Variants in KCMF1 observed in about 807,000 individuals in gnomAD.
KCMF1 encodes the protein potassium channel modulatory factor 1.
In KCMF1, 3 loss-of-function variants were observed where a neutral mutation model predicts 41.1. The ratio of observed to expected loss-of-function variants is 0.07; its 90% CI spans 0.03 to 0.19. KCMF1 has a LOEUF of 0.19. Among genes scored for constraint, KCMF1 ranks in the 10% least tolerant of loss-of-function variants. KCMF1 has a pLI of 1.00. For synonymous variants in KCMF1, 142 were observed against 164.5 expected, an observed-to-expected ratio of 0.86 and a Z score of 1.04; for missense variants, 286 against 488.9, an observed-to-expected ratio of 0.58 and a Z score of 3.91.
Position 85,043,459 on chromosome 2 carries a change from G to T in KCMF1, c.325-105G>T. Reference sequence around the variant, plus strand: ...TGATTTAGGATCTGCTGTGTTTTCTGTTGGTTAAAACTTGATAATAGTAAA... The same window carrying T: ...TGATTTAGGATCTGCTGTGTTTTCTTTTGGTTAAAACTTGATAATAGTAAA... On this transcript the variant is annotated intron_variant, in intron 3 of 6. Coordinates refer to ENST00000409785, the MANE Select transcript of KCMF1 (RefSeq NM_020122.5). 3 of 722,210 alleles carry T rather than the reference G, an allele frequency of 4.2e-6. 1 individual carries two copies. In the South Asian group the frequency reaches 4.5e-5, roughly 11 times the overall value. The allele number at this position is 722,210 out of a possible 1,614,324, so 44.7% of individuals were successfully genotyped here.
chr2:85,034,034 ATTT>A (rs1553382233), intron 2 of KCMF1, among the ~76,000 whole-genome samples: 1 of 149,394 alleles, frequency 6.7e-6, no homozygotes, highest in Admixed American at 6.7e-5. Flanking sequence ...AAAAAAAAAA[ATTT>A]TTTTTTTAAT....
At chr2:85,044,680 C>A (rs914098155) in intron 4 of KCMF1, among the ~76,000 whole-genome samples, 1 of 152,028 alleles carries the variant, frequency 6.6e-6, no homozygotes, top group Non-Finnish European at 1.5e-5. Context: ...CTGCGCCTGG[C>A]CAATTTTTGT....
In KCMF1 at chr2:84,980,641, C is replaced by CT. The variant is rs367965209; in HGVS notation, c.16+9187dup. Among the ~76,000 whole-genome samples the CT allele has an allele frequency of 4.0e-3, 570 of 143,844 alleles. 2 individuals are homozygous for CT. The highest frequency in any genetic ancestry group is 9.8e-3 in the African/African-American group (388 of 39,448). The allele number at this position is 143,844 out of a possible 152,430, so 94.4% of individuals were successfully genotyped here. On this transcript the variant is annotated intron_variant, in intron 1 of 6. Coordinates refer to ENST00000409785, the MANE Select transcript of KCMF1 (RefSeq NM_020122.5). ...TATACACAGTCAATTAGCCTCATAT[C>CT]TTTTTTTTTTTTTGTCTTGAGGCCG...
At chr2:85,012,045 C>G (rs936179126) in intron 1 of KCMF1, among the ~76,000 whole-genome samples, 1 of 152,178 alleles carries the variant, frequency 6.6e-6, no homozygotes, top group East Asian at 1.9e-4. Flanking sequence ...AACTAACCAT[C>G]GACCAACTTT....
chr2:85,055,645 T>C lies in KCMF1; in HGVS notation c.*2236T>C, dbSNP rs1174026925. On this transcript the variant is annotated 3_prime_UTR_variant, in exon 7 of 7. Transcript: ENST00000409785. ...CATCCTGTATGTAATCAATAATGTATTATTTTAGGGTAGAACGACACAGAA... is the reference window on the plus strand; with the variant it reads ...CATCCTGTATGTAATCAATAATGTACTATTTTAGGGTAGAACGACACAGAA... The C allele has an allele frequency of 6.6e-6, 1 of 152,158 alleles. No individual in the cohort carries two copies. The highest frequency in any genetic ancestry group is 6.6e-5 in the Admixed American group (1 of 15,260). 9.4% of individuals were successfully genotyped at this position (152,158 alleles called of 1,614,324 possible).
At chr2:85,010,405 G>C (rs974206080) in intron 1 of KCMF1, among the ~76,000 whole-genome samples, 3 of 152,196 alleles carry the variant, frequency 2.0e-5, no homozygotes, top group African/African-American at 7.2e-5. Context: ...GGCATCAGAG[G>C]CTGCAGTTAG....
At chr2:85,002,492 C>A in intron 1 of KCMF1, among the ~76,000 whole-genome samples, 1 of 152,098 alleles carries the variant, frequency 6.6e-6, no homozygotes, top group South Asian at 2.1e-4. Flanking sequence ...CCATATATTC[C>A]TTACCTGGTT....
At chr2:85,030,612 C>G (rs1225411573) in intron 2 of KCMF1, among the ~76,000 whole-genome samples, 1 of 152,132 alleles carries the variant, frequency 6.6e-6, no homozygotes, top group Non-Finnish European at 1.5e-5. Flanking sequence ...AATGCATTGT[C>G]TTGGCACTCT....
chr2:85,046,373 T>A, intron 5 of KCMF1, 95 bp downstream of exon 5: 1 of 909,476 alleles, frequency 1.1e-6, no homozygotes, highest in Non-Finnish European at 1.7e-6. Context: ...CTCACACCTT[T>A]AATCCCAGCA....
intron 1 of KCMF1, among the ~76,000 whole-genome samples, chr2:84,994,609 G>A (rs1198725620): frequency 6.6e-6 from 1 of 151,470 alleles, no homozygotes; most frequent in East Asian, 2.0e-4. Flanking sequence ...CTCCATGTTG[G>A]TCAGGATGGT....
At chr2:84,982,389 CTTTTTTTTTTT>C (rs34687477) in intron 1 of KCMF1, among the ~76,000 whole-genome samples, 942 of 47,206 alleles carry the variant, frequency 0.02, 2 homozygotes, top group African/African-American at 0.079. Context: ...TCCTTATTTT[CTTTTTTTTTTT>C]TTTTTTTTTT....
intron 1 of KCMF1, among the ~76,000 whole-genome samples, chr2:84,987,289 A>G (rs538973392): frequency 6.6e-6 from 1 of 152,328 alleles, no homozygotes; most frequent in Admixed American, 6.5e-5. Flanking sequence ...GAAAATTGGT[A>G]TCACTGAAGC....
chr2:84,971,441 T>C lies in KCMF1; in HGVS notation c.-11T>C, dbSNP rs774624300. 1 of 1,252,524 alleles carries C rather than the reference T, an allele frequency of 8.0e-7. No homozygotes were observed. The highest frequency in any genetic ancestry group is 1.0e-6 in the Non-Finnish European group (1 of 976,930). The allele number at this position is 1,252,524 out of a possible 1,614,324, so 77.6% of individuals were successfully genotyped here. On this transcript the variant is annotated 5_prime_UTR_variant, in exon 1 of 7. Transcript: ENST00000409785. ...CCCGGGAGGGGCCGCGCCGCCACCG[T>C]CTGAACTAGGATGTCCCGACATGAA...
chr2:85,021,417 A>G (rs1674935800), intron 1 of KCMF1, among the ~76,000 whole-genome samples: 1 of 152,132 alleles, frequency 6.6e-6, no homozygotes, highest in African/African-American at 2.4e-5. Context: ...AGGTCAGGAG[A>G]TCGAGAACAT....
At chr2:84,983,671 G>A (rs1673823296) in intron 1 of KCMF1, among the ~76,000 whole-genome samples, 2 of 152,144 alleles carry the variant, frequency 1.3e-5, no homozygotes, top group African/African-American at 4.8e-5. Context: ...ACCACACCCA[G>A]CTAATTTTTT....
At chr2:85,016,803 C>T (rs984532759) in intron 1 of KCMF1, among the ~76,000 whole-genome samples, 6 of 151,652 alleles carry the variant, frequency 4.0e-5, no homozygotes, top group Non-Finnish European at 5.9e-5. Context: ...AGTGATTCTG[C>T]CTCAGTCTCC....
intron 1 of KCMF1, among the ~76,000 whole-genome samples, chr2:84,980,537 G>A (rs1042382484): frequency 6.6e-6 from 1 of 152,168 alleles, no homozygotes; most frequent in African/African-American, 2.4e-5. Flanking sequence ...TGTTAACCAT[G>A]GTAACTGCCT....
chr2:85,020,123 A>C (rs937204315), intron 1 of KCMF1, among the ~76,000 whole-genome samples: 2 of 152,106 alleles, frequency 1.3e-5, no homozygotes, highest in African/African-American at 4.8e-5. Context: ...CTTTTTACTG[A>C]AAGATAAGAG....
Position 85,007,361 on chromosome 2 carries a change from C to T in KCMF1, c.17-20528C>T, listed in dbSNP as rs150942169. 3.9e-5 allele frequency among the ~76,000 whole-genome samples: 6 copies of T among 152,324 alleles called. No homozygotes were observed. In the East Asian group the frequency reaches 9.7e-4, roughly 25 times the overall value. On this transcript the variant is annotated intron_variant, in intron 1 of 6. Transcript: ENST00000409785. Reference sequence around the variant, plus strand: ...CTGAACAGAGTCTGCCTTCGGCTTCCCCGAGTTTCCAAGAGTCTGGAGAAA... The same window carrying T: ...CTGAACAGAGTCTGCCTTCGGCTTCTCCGAGTTTCCAAGAGTCTGGAGAAA...
Sources: allele counts gnomAD v4.1 joint callset (sites outside exome capture counted in the v4.1 genomes callset), GRCh38; gene constraint gnomAD v4.1.1; transcripts MANE v1.5; gene names NCBI Gene and HGNC (gene_info 2026-07-23, HGNC 2026-07-21).